Variants in CATSPERD observed in about 807,000 individuals in gnomAD.
CATSPERD encodes catsper channel auxiliary subunit delta.
CATSPERD carries 86 observed loss-of-function variants against 98.1 expected under a neutral mutation model. The observed-to-expected ratio is 0.88, with a 90% CI of 0.74 to 1.05. The LOEUF (loss-of-function observed/expected upper bound fraction) is 1.05. Among genes scored for constraint, CATSPERD ranks in the 50% least tolerant of loss-of-function variants. The probability of loss-of-function intolerance (pLI) is 0.00; values close to 1 mark genes in which losing one functional copy is unlikely to be tolerated. For missense variants in CATSPERD, 995 were observed against 1,005.7 expected, an observed-to-expected ratio of 0.99 and a Z score of 0.14; for synonymous variants, 394 against 390.2, an observed-to-expected ratio of 1.01 and a Z score of -0.12.
chr19:5,774,261 C>A (rs192287943), intron 20 of CATSPERD, among the ~76,000 whole-genome samples: 2 of 151,916 alleles, frequency 1.3e-5, no homozygotes, highest in Non-Finnish European at 2.9e-5. Flanking sequence ...CCACTGCGCC[C>A]GGTCGGCTCT....
intron 13 of CATSPERD, among the ~76,000 whole-genome samples, chr19:5,754,702 C>G (rs1303521064): frequency 6.6e-6 from 1 of 151,086 alleles, no homozygotes; most frequent in Admixed American, 6.6e-5. Flanking sequence ...CCAGCCATTT[C>G]TATGTGTCTT....
Position 5,768,208 on chromosome 19 carries a change from A to G in CATSPERD, c.1600A>G (p.Thr534Ala), listed in dbSNP as rs1599588749. 1 of 1,613,662 alleles carries G rather than the reference A, an allele frequency of 6.2e-7. No individual in the cohort carries two copies. The highest frequency in any genetic ancestry group is 8.5e-7 in the Non-Finnish European group (1 of 1,179,762). ...TTCCATGGGCATCCTGGACCCCTTG[A>G]CCCTGCAAGACAATTACAGCTTCAT... ...ACSMGILDPL[T>A]LQDNYSFIIE... The change falls in exon 18 of 22, where the codon ACC becomes GCC. Residue 534 changes from threonine to alanine, a missense_variant. Physicochemically the swap from Thr to Ala is moderately conservative, Grantham distance 58. This residue lies in a region of CATSPERD where 762 missense variants were observed against 773.7 expected (regional missense o/e 0.98). Coordinates refer to ENST00000381624, the MANE Select transcript of CATSPERD (RefSeq NM_152784.4).
At chr19:5,735,251 C>A (rs2055819714) in intron 5 of CATSPERD, among the ~76,000 whole-genome samples, 1 of 152,134 alleles carries the variant, frequency 6.6e-6, no homozygotes, top group African/African-American at 2.4e-5. Flanking sequence ...GATTCTCCTG[C>A]CTTAGCTTCC....
chr19:5,740,800 C>T (rs978638947), intron 7 of CATSPERD, among the ~76,000 whole-genome samples: 7 of 150,768 alleles, frequency 4.6e-5, no homozygotes, highest in Non-Finnish European at 8.9e-5. Context: ...AGCGCCCAGC[C>T]GTGTAGGGAC....
chr19:5,745,860 G>A, intron 8 of CATSPERD, 53 bp from the exon 9 acceptor site: 1 of 1,594,980 alleles, frequency 6.3e-7, no homozygotes, highest in African/African-American at 1.3e-5. Flanking sequence ...AGGACTCAGT[G>A]GGACTCCACA....
intron 19 of CATSPERD, chr19:5,772,538 T>C (rs776164527): frequency 5.9e-5 from 27 of 460,370 alleles, no homozygotes; most frequent in Non-Finnish European, 8.9e-5. Flanking sequence ...CGAGCAGACT[T>C]TTCCTTCCAC....
chr19:5,755,462 G>A (rs1180392906), intron 13 of CATSPERD, among the ~76,000 whole-genome samples: 1 of 152,116 alleles, frequency 6.6e-6, no homozygotes, highest in East Asian at 1.9e-4. Context: ...TTCACTATTA[G>A]TATAGTATTC....
chr19:5,768,320 T>TTTA, intron 18 of CATSPERD, 78 bp downstream of exon 18: 1 of 496,162 alleles, frequency 2.0e-6, no homozygotes. Flanking sequence ...AAATTAGGAA[T>TTTA]TTTATTTATT....
chr19:5,743,694 CT>C (rs1568352102), intron 7 of CATSPERD, among the ~76,000 whole-genome samples: 1 of 148,420 alleles, frequency 6.7e-6, no homozygotes, highest in African/African-American at 2.5e-5. Flanking sequence ...CTCTCTCTCT[CT>C]CTCTCTCTCT....
intron 2 of CATSPERD, among the ~76,000 whole-genome samples, chr19:5,726,694 T>TA (rs1346336557): frequency 1.3e-5 from 2 of 151,984 alleles, no homozygotes; most frequent in African/African-American, 2.4e-5. Context: ...CCCTGTGAAT[T>TA]AAAAAAACTG....
intron 8 of CATSPERD, among the ~76,000 whole-genome samples, chr19:5,744,753 A>G (rs1413758406): frequency 6.6e-6 from 1 of 151,770 alleles, no homozygotes; most frequent in African/African-American, 2.4e-5. Context: ...GGCTCGTGCC[A>G]CCGCGCCTGG....
intron 7 of CATSPERD, among the ~76,000 whole-genome samples, chr19:5,742,771 GGA>G (rs2145744035): frequency 1.3e-5 from 2 of 151,986 alleles, no homozygotes; most frequent in Admixed American, 1.3e-4. Flanking sequence ...CCTGGGGGAC[GGA>G]GAGATATCCT....
At chr19:5,761,122 C>T (rs1247211880) in intron 15 of CATSPERD, among the ~76,000 whole-genome samples, 2 of 151,748 alleles carry the variant, frequency 1.3e-5, no homozygotes, top group African/African-American at 2.4e-5. Flanking sequence ...CTGCAACCTC[C>T]GCCTCCTGGG....
chr19:5,743,175 C>T (rs1172063307), intron 7 of CATSPERD, among the ~76,000 whole-genome samples: 1 of 151,820 alleles, frequency 6.6e-6, no homozygotes, highest in Non-Finnish European at 1.5e-5. Flanking sequence ...TGGTGGCAGG[C>T]GCCTGTAATC....
chr19:5,733,628 C>A (rs1017418055), intron 4 of CATSPERD, among the ~76,000 whole-genome samples: 25 of 151,166 alleles, frequency 1.7e-4, no homozygotes, highest in Non-Finnish European at 3.5e-4. Flanking sequence ...GGCTAATTTT[C>A]GTATTTTTAG....
intron 1 of CATSPERD, among the ~76,000 whole-genome samples, chr19:5,723,145 C>T (rs1283226643): frequency 2.7e-5 from 4 of 148,868 alleles, no homozygotes; most frequent in African/African-American, 4.9e-5. Context: ...TGAGATCGCG[C>T]CACTGCACTC....
chr19:5,777,499 G>A (rs1034821191), intron 21 of CATSPERD, among the ~76,000 whole-genome samples: 6 of 152,094 alleles, frequency 3.9e-5, no homozygotes, highest in African/African-American at 7.2e-5. Flanking sequence ...TGCCCCTTCC[G>A]CCCTCTCTAG....
Position 5,737,212 on chromosome 19 carries a change from A to G in CATSPERD, c.459+7A>G, listed in dbSNP as rs770057953. 6.9e-6 allele frequency: 11 copies of G among 1,583,594 alleles called. No individual in the cohort carries two copies. The highest frequency in any genetic ancestry group is 8.7e-6 in the Non-Finnish European group (10 of 1,152,748). ...TGGAAGTTTGTTTTGTGTGGTAAGTATAAGTGTATAATTGTTCATTTTTTT... is the reference window on the plus strand; with the variant it reads ...TGGAAGTTTGTTTTGTGTGGTAAGTGTAAGTGTATAATTGTTCATTTTTTT... On this transcript the variant is annotated splice_region_variant and intron_variant, in intron 6 of 21. Coordinates refer to ENST00000381624, the MANE Select transcript of CATSPERD (RefSeq NM_152784.4).
intron 16 of CATSPERD, 123 bp downstream of exon 16, chr19:5,763,416 G>A (rs2056480458): frequency 1.5e-6 from 1 of 684,692 alleles, no homozygotes; most frequent in Non-Finnish European, 2.5e-6. Flanking sequence ...GTGCAAGAGA[G>A]TGAAACTCTG....
Sources: gnomAD v4.1 joint callset for allele counts (sites outside exome capture counted in the v4.1 genomes callset) on GRCh38, gnomAD v4.1.1 for gene constraint, gnomAD v4.1.1 regional missense constraint, MANE v1.5 for transcripts, NCBI Gene and HGNC (gene_info 2026-07-23, HGNC 2026-07-21) for gene names.